TMEM267: variants seen among roughly 807,000 people sequenced by gnomAD.
TMEM267 encodes transmembrane protein C5orf28.
TMEM267 carries 20 observed loss-of-function variants against 19.3 expected under a neutral mutation model. The ratio of observed to expected loss-of-function variants is 1.04; its 90% CI spans 0.73 to 1.51. TMEM267 has a LOEUF of 1.51. Ranked by LOEUF, TMEM267 falls within the 40% of genes most tolerant of loss-of-function variation. TMEM267 has a pLI of 0.00. For missense variants in TMEM267, 242 were observed against 261.9 expected (o/e 0.92, Z 0.52); for synonymous variants, 88 against 90.3 (o/e 0.97, Z 0.15).
chr5:43,456,083 T>A (rs1386996884), intron 1 of TMEM267, among the ~76,000 whole-genome samples: 1 of 151,376 alleles, frequency 6.6e-6, no homozygotes, highest in Non-Finnish European at 1.5e-5. Flanking sequence ...CCTCAAGTGA[T>A]CCTTGGCTTC....
chr5:43,464,792 T>C (rs1183084680), intron 1 of TMEM267, among the ~76,000 whole-genome samples: 2 of 152,172 alleles, frequency 1.3e-5, no homozygotes, highest in African/African-American at 2.4e-5. Context: ...TTACACCTTA[T>C]AGAAAAATTA....
At chr5:43,470,453 C>T (rs1341520075) in intron 1 of TMEM267, among the ~76,000 whole-genome samples, 2 of 152,124 alleles carry the variant, frequency 1.3e-5, no homozygotes, top group East Asian at 1.9e-4. Context: ...CAACATACAT[C>T]TTACACATAC....
At chr5:43,468,131 G>A (rs769499322) in intron 1 of TMEM267, among the ~76,000 whole-genome samples, 1 of 149,930 alleles carries the variant, frequency 6.7e-6, no homozygotes, top group African/African-American at 2.4e-5. Context: ...GAGTGGGGGG[G>A]CGGGTGTCTA....
intron 1 of TMEM267, among the ~76,000 whole-genome samples, chr5:43,468,002 A>G (rs1266578808): frequency 6.6e-6 from 1 of 151,486 alleles, no homozygotes; most frequent in Admixed American, 6.6e-5. Context: ...AAAATGCCAC[A>G]TTTTGAGACG....
chr5:43,463,673 C>A lies in TMEM267; in HGVS notation c.-74-9630G>T, dbSNP rs187978575. Reference sequence around the variant, plus strand: ...ATATACTCAAATCAATAAACGTAATCCAGCATATAAACAGAAGCAAAGCCA... The same window carrying A: ...ATATACTCAAATCAATAAACGTAATACAGCATATAAACAGAAGCAAAGCCA... On this transcript the variant is annotated intron_variant, in intron 1 of 2. Transcript: ENST00000397080. Among the ~76,000 whole-genome samples, 1,415 of 152,256 alleles carry A rather than the reference C, an allele frequency of 9.3e-3. 7 individuals are homozygous for A. Among genetic ancestry groups the A allele is most frequent in the Non-Finnish European group, 0.015 (1,011 of 68,010 alleles).
chr5:43,477,888 T>C (rs529177387), intron 1 of TMEM267, among the ~76,000 whole-genome samples: 32 of 152,364 alleles, frequency 2.1e-4, no homozygotes, highest in Non-Finnish European at 3.8e-4. Context: ...CTTTTCAGTA[T>C]ATACAGATGG....
rs148268631 is a variant in TMEM267, at chr5:43,452,683, A to G, written c.312+975T>C. Among the ~76,000 whole-genome samples, 357 of 152,310 alleles carry G rather than the reference A, an allele frequency of 2.3e-3. 1 individual carries two copies. The highest frequency in any genetic ancestry group is 4.0e-3 in the Admixed American group (61 of 15,296). On this transcript the variant is annotated intron_variant, in intron 2 of 2. Transcript: ENST00000397080. The stretch of plus-strand genomic sequence containing the variant: ...TCTTCTCATTTCAATCTTAAACAAA[A>G]TGTTATGCTAACTCTACTTATAGCA...
In TMEM267 at chr5:43,446,379, C is replaced by A. The variant is rs1326096075; in HGVS notation, c.491G>T (p.Gly164Val). 2 of 1,614,084 alleles carry A rather than the reference C, an allele frequency of 1.2e-6. No individual in the cohort carries two copies. Among genetic ancestry groups the A allele is most frequent in the Non-Finnish European group, 1.7e-6 (2 of 1,179,992 alleles). Residue 164 changes from glycine (G) to valine (V), a missense_variant, in exon 3 of 3, where the codon GGT becomes GTT. Coordinates refer to ENST00000397080, the MANE Select transcript of TMEM267 (RefSeq NM_022483.5). The part of the protein sequence containing the change: ...SHHIRDGIRH[G>V]LWICPFGKTS... ...TTTTCCAAATGGGCATATCCACAAA[C>A]CATGACGAATCCCATCTCGGATATG...
chr5:43,480,266 C>T (rs1434619854), intron 1 of TMEM267, among the ~76,000 whole-genome samples: 1 of 152,240 alleles, frequency 6.6e-6, no homozygotes, highest in Non-Finnish European at 1.5e-5. Flanking sequence ...AGACGCCTAA[C>T]ACAAAAGCTC....
intron 1 of TMEM267, among the ~76,000 whole-genome samples, chr5:43,475,329 T>C (rs1266522243): frequency 6.8e-6 from 1 of 146,406 alleles, no homozygotes; most frequent in Non-Finnish European, 1.5e-5. Flanking sequence ...TGAGAACACA[T>C]GGACACAGAG....
rs769002867 is a variant in TMEM267, at chr5:43,446,413, T to G, written c.457A>C (p.Thr153Pro). The G allele has an allele frequency of 6.2e-7, 1 of 1,614,072 alleles. No homozygotes were observed. The highest frequency in any genetic ancestry group is 8.5e-7 in the Non-Finnish European group (1 of 1,179,932). Reference sequence around the variant, plus strand: ...ATCCCATCTCGGATATGATGTGAAGTCCAGGATATAAATAACATCCAGGGA... The same window carrying G: ...ATCCCATCTCGGATATGATGTGAAGGCCAGGATATAAATAACATCCAGGGA... ...FLPWMLFISW[T>P]SHHIRDGIRH... The change falls in exon 3 of 3, where the codon ACT becomes CCT. Residue 153 changes from threonine to proline, a missense_variant. By Grantham distance (38) the Thr-to-Pro change is conservative. Coordinates refer to ENST00000397080, the MANE Select transcript of TMEM267 (RefSeq NM_022483.5).
chr5:43,447,234 C>G (rs1742298360), intron 2 of TMEM267, among the ~76,000 whole-genome samples: 1 of 151,834 alleles, frequency 6.6e-6, no homozygotes, highest in African/African-American at 2.4e-5. Flanking sequence ...GGATCATAGG[C>G]ACCTGCCACC....
chr5:43,446,557 C>A lies in TMEM267; in HGVS notation c.313G>T (p.Ala105Ser). The A allele has an allele frequency of 6.3e-7, 1 of 1,593,710 alleles. No individual in the cohort carries two copies. The highest frequency in any genetic ancestry group is 1.7e-5 in the Admixed American group (1 of 57,520). The change falls in exon 3 of 3, where the codon GCT becomes TCT. Residue 105 changes from alanine to serine, a missense_variant and splice_region_variant. Physicochemically the swap from Ala to Ser is moderately conservative, Grantham distance 99 (BLOSUM62 1). Transcript: ENST00000397080. ...FFLAGSMSLK[A>S]ALTLPRRPFL... ...GGTCTTCGCGGGAGAGTCAAAGCAGCCTGAGGGAGCAAAGTAATAGCGAGT... is the reference window on the plus strand; with the variant it reads ...GGTCTTCGCGGGAGAGTCAAAGCAGACTGAGGGAGCAAAGTAATAGCGAGT...
intron 1 of TMEM267, among the ~76,000 whole-genome samples, chr5:43,468,590 T>C (rs1309471445): frequency 6.6e-6 from 1 of 152,220 alleles, no homozygotes; most frequent in Non-Finnish European, 1.5e-5. Flanking sequence ...CCTGACCACC[T>C]TGGGCACATG....
In TMEM267 at chr5:43,453,923, C is replaced by A; in HGVS notation, c.47G>T (p.Ser16Ile). 6.2e-7 allele frequency: 1 copy of A among 1,614,008 alleles called. No homozygotes were observed. The highest frequency in any genetic ancestry group is 2.2e-5 in the East Asian group (1 of 44,876). The change falls in exon 2 of 3, where the codon AGC becomes ATC. Residue 16 changes from serine (S) to isoleucine (I), a missense_variant. Coordinates refer to ENST00000397080, the MANE Select transcript of TMEM267 (RefSeq NM_022483.5). Reference sequence around the variant, plus strand: ...AAGGCTGGAAATAAGAGATTCAGTGCTACAAGTCTGCAGTAAAGCATGGGT... The same window carrying A: ...AAGGCTGGAAATAAGAGATTCAGTGATACAAGTCTGCAGTAAAGCATGGGT... ...EKTHALLQTC[S>I]TESLISSLGL...
chr5:43,463,720 C>T (rs1042836891), intron 1 of TMEM267, among the ~76,000 whole-genome samples: 14 of 152,292 alleles, frequency 9.2e-5, no homozygotes, highest in African/African-American at 2.4e-4. Flanking sequence ...ATTATCTCAA[C>T]AGATGCAGAA....
At chr5:43,482,255 C>A (rs540246717) in intron 1 of TMEM267, among the ~76,000 whole-genome samples, 1 of 151,196 alleles carries the variant, frequency 6.6e-6, no homozygotes, top group Non-Finnish European at 1.5e-5. Flanking sequence ...GTTCCAGAAC[C>A]CCACATTTCT....
intron 1 of TMEM267, among the ~76,000 whole-genome samples, chr5:43,462,383 A>G (rs1284507267): frequency 2.0e-5 from 3 of 152,200 alleles, no homozygotes; most frequent in African/African-American, 2.4e-5. Flanking sequence ...ACACTGAAGA[A>G]CATCTACTAG....
chr5:43,478,377 C>A (rs1415223578), intron 1 of TMEM267, among the ~76,000 whole-genome samples: 1 of 152,134 alleles, frequency 6.6e-6, no homozygotes, highest in Non-Finnish European at 1.5e-5. Context: ...GGTTAGATAG[C>A]TTTTGTGATC....
Sources: gnomAD v4.1 joint callset for allele counts (sites outside exome capture counted in the v4.1 genomes callset) on GRCh38, gnomAD v4.1.1 for gene constraint, MANE v1.5 for transcripts, NCBI Gene and HGNC (gene_info 2026-07-23, HGNC 2026-07-21) for gene names.